FARS2: variants seen among roughly 807,000 people sequenced by gnomAD.
The protein encoded by FARS2 is phenylalanyl-tRNA synthetase 2, mitochondrial.
Under a neutral mutation model 46.4 loss-of-function variants are expected in FARS2, and 40 were observed. The observed-to-expected ratio is 0.86, with a 90% CI of 0.67 to 1.12. The LOEUF (loss-of-function observed/expected upper bound fraction) is 1.12. Among genes scored for constraint, FARS2 ranks in the 50% most tolerant of loss-of-function variants. The pLI is 0.00. For missense variants in FARS2, 513 were observed against 567.9 expected, an observed-to-expected ratio of 0.90 and a Z score of 0.98; for synonymous variants, 234 against 214.9, an observed-to-expected ratio of 1.09 and a Z score of -0.78.
intron 6 of FARS2, among the ~76,000 whole-genome samples, chr6:5,625,861 T>C (rs899256381): frequency 2.0e-5 from 3 of 152,178 alleles, no homozygotes; most frequent in African/African-American, 7.2e-5. Flanking sequence ...GAGGTGGGAC[T>C]GGGCTTGGAA....
intron 6 of FARS2, among the ~76,000 whole-genome samples, chr6:5,670,749 A>G (rs1248032063): frequency 6.6e-6 from 1 of 152,172 alleles, no homozygotes; most frequent in Non-Finnish European, 1.5e-5. Flanking sequence ...TTTTTAAATA[A>G]GCACACTTTT....
intron 2 of FARS2, among the ~76,000 whole-genome samples, chr6:5,393,472 T>A (rs1760706641): frequency 6.6e-6 from 1 of 151,998 alleles, no homozygotes; most frequent in Non-Finnish European, 1.5e-5. Flanking sequence ...CTGGCCAACA[T>A]GGTGAAACCC....
intron 4 of FARS2, among the ~76,000 whole-genome samples, chr6:5,490,608 C>A (rs1767048048): frequency 1.3e-5 from 2 of 152,152 alleles, no homozygotes; most frequent in African/African-American, 2.4e-5. Flanking sequence ...TTTGTGTGAT[C>A]AGTAGAGTAT....
chr6:5,297,912 C>T (rs1246837219), intron 1 of FARS2, among the ~76,000 whole-genome samples: 1 of 152,120 alleles, frequency 6.6e-6, no homozygotes, highest in Non-Finnish European at 1.5e-5. Flanking sequence ...AAAACATCTC[C>T]ACTCTACCCA....
chr6:5,250,213 A>C, the FARS2 span, among the ~76,000 whole-genome samples: 1 of 151,878 alleles, frequency 6.6e-6, no homozygotes, highest in African/African-American at 2.4e-5. Flanking sequence ...ATATTTTACT[A>C]TATGTATTTT....
intron 1 of FARS2, among the ~76,000 whole-genome samples, chr6:5,262,719 G>T (rs1202825117): frequency 6.6e-6 from 1 of 152,180 alleles, no homozygotes; most frequent in Non-Finnish European, 1.5e-5. Context: ...GCACTGAAGA[G>T]AAAATACTTT....
At chr6:5,432,351 T>TTATA (rs1554184584) in intron 4 of FARS2, among the ~76,000 whole-genome samples, 28 of 42,320 alleles carry the variant, frequency 6.6e-4, no homozygotes, top group South Asian at 6.4e-3. Flanking sequence ...TATATATATA[T>TTATA]TATATATATA....
intron 4 of FARS2, among the ~76,000 whole-genome samples, chr6:5,442,693 G>A (rs1241282779): frequency 1.3e-5 from 2 of 151,994 alleles, no homozygotes; most frequent in South Asian, 2.1e-4. Context: ...TCCCACCCTC[G>A]GTGACAGTTT....
At chr6:5,570,566 A>G (rs1459026784) in intron 5 of FARS2, among the ~76,000 whole-genome samples, 1 of 152,188 alleles carries the variant, frequency 6.6e-6, no homozygotes, top group Non-Finnish European at 1.5e-5. Context: ...CAGTTTCCCA[A>G]TTAGCACCTT....
At chr6:5,678,261 C>T (rs887854179) in intron 6 of FARS2, among the ~76,000 whole-genome samples, 3 of 152,222 alleles carry the variant, frequency 2.0e-5, no homozygotes, top group African/African-American at 7.2e-5. Context: ...GTCTGATAAG[C>T]AGCCAAGACT....
At chr6:5,337,801 G>A (rs778409558) in intron 1 of FARS2, among the ~76,000 whole-genome samples, 4 of 152,128 alleles carry the variant, frequency 2.6e-5, no homozygotes, top group African/African-American at 4.8e-5. Flanking sequence ...TCTTACGTTG[G>A]CTAAAATCCT....
At chr6:5,253,192 G>T in the FARS2 span, among the ~76,000 whole-genome samples, 7 of 152,108 alleles carry the variant, frequency 4.6e-5, no homozygotes, top group Non-Finnish European at 5.9e-5. Flanking sequence ...CACTACACTT[G>T]GTATGCATTT....
intron 2 of FARS2, among the ~76,000 whole-genome samples, chr6:5,402,120 G>A (rs987336419): frequency 4.0e-5 from 6 of 150,360 alleles, no homozygotes; most frequent in African/African-American, 1.5e-4. Context: ...CCTTCTGGTT[G>A]TTTTTCTCCT....
At chr6:5,607,279 ATATGTATGTGTGTG>A (rs1271074785) in intron 5 of FARS2, among the ~76,000 whole-genome samples, 2 of 105,086 alleles carry the variant, frequency 1.9e-5, no homozygotes, top group Non-Finnish European at 4.0e-5. Flanking sequence ...TTAAAGAATA[ATATGTATGTGTGTG>A]TGTGTGTGTG....
intron 4 of FARS2, among the ~76,000 whole-genome samples, chr6:5,534,874 C>CGCGCACACACACACACAG (rs1770100246): frequency 2.4e-5 from 3 of 124,512 alleles, no homozygotes; most frequent in South Asian, 5.8e-4. Context: ...CACACACACA[C>CGCGCACACACACACACAG]AGAGACTGAG....
rs1390000139 is a variant in FARS2, at chr6:5,311,946, G to A, written c.-22+50286G>A. 2.0e-5 allele frequency among the ~76,000 whole-genome samples: 3 copies of A among 152,152 alleles called. No homozygotes were observed. The highest frequency in any genetic ancestry group is 6.5e-5 in the Admixed American group (1 of 15,274). ...TGTAGGTTTGTCTGGGGGAGTGTAA[G>A]TTAGTTTAAATAACTTTCCGTGCAT... is the stretch of plus-strand genomic sequence containing the variant. On this transcript the variant is annotated intron_variant, in intron 1 of 6. Coordinates refer to ENST00000274680, the MANE Select transcript of FARS2 (RefSeq NM_006567.5). This position sits in a 1 kb window ranked among gnomAD's most constrained non-coding sequence, Gnocchi z 4.1.
intron 6 of FARS2, among the ~76,000 whole-genome samples, chr6:5,756,022 C>T (rs1762185221): frequency 6.6e-6 from 1 of 152,072 alleles, no homozygotes; most frequent in African/African-American, 2.4e-5. Context: ...TTTTGTTTTC[C>T]CTAGTCTGCT....
chr6:5,362,058 T>C (rs1758339307), intron 1 of FARS2, among the ~76,000 whole-genome samples: 1 of 152,228 alleles, frequency 6.6e-6, no homozygotes, highest in Non-Finnish European at 1.5e-5. Context: ...AATCCAAATG[T>C]GATCCATGAC....
chr6:5,461,063 C>T (rs1223967695), intron 4 of FARS2, among the ~76,000 whole-genome samples: 6 of 149,994 alleles, frequency 4.0e-5, no homozygotes, highest in Non-Finnish European at 5.9e-5. Flanking sequence ...TTTTGAGTCA[C>T]GGTATCACTC....
Sources: allele counts gnomAD v4.1 joint callset (sites outside exome capture counted in the v4.1 genomes callset), GRCh38; gene constraint gnomAD v4.1.1; non-coding constraint Gnocchi (gnomAD v3.1); transcripts MANE v1.5; gene names NCBI Gene and HGNC (gene_info 2026-07-23, HGNC 2026-07-21).